Variants in KCNMB4 observed in about 807,000 individuals in gnomAD.
The protein encoded by KCNMB4 is potassium calcium-activated channel subfamily M regulatory beta subunit 4, also known as calcium-activated potassium channel subunit beta-4.
A neutral mutation model predicts 20.7 loss-of-function variants in KCNMB4; 3 were observed. The observed-to-expected ratio is 0.14, with a 90% CI of 0.07 to 0.37. KCNMB4 has a LOEUF of 0.37. Ranked by LOEUF, KCNMB4 falls within the 10% of genes least tolerant of loss-of-function variation. The probability of loss-of-function intolerance (pLI) is 1.00; values close to 1 mark genes in which losing one functional copy is unlikely to be tolerated. For missense variants in KCNMB4, 168 were observed against 265.9 expected (o/e 0.63, Z 2.56); for synonymous variants, 110 against 113.4 (o/e 0.97, Z 0.19).
At chr12:70,374,648 G>A (rs1478799858) in intron 1 of KCNMB4, among the ~76,000 whole-genome samples, 1 of 151,924 alleles carries the variant, frequency 6.6e-6, no homozygotes, top group Non-Finnish European at 1.5e-5. Flanking sequence ...AATAAACTAG[G>A]ATACATTTAT....
intron 1 of KCNMB4, among the ~76,000 whole-genome samples, chr12:70,384,873 C>CAAAAAAAAAAAAAAAAAAA (rs57306622): frequency 4.7e-4 from 35 of 74,212 alleles, no homozygotes; most frequent in Non-Finnish European, 5.8e-4. Flanking sequence ...GACCCTGTCT[C>CAAAAAAAAAAAAAAAAAAA]AAAAAAAAAA....
intron 2 of KCNMB4, among the ~76,000 whole-genome samples, chr12:70,421,951 C>A (rs1869074717): frequency 6.8e-6 from 1 of 147,196 alleles, no homozygotes; most frequent in South Asian, 2.2e-4. Context: ...AGTTAAGGTT[C>A]TCATCCATCT....
intron 2 of KCNMB4, among the ~76,000 whole-genome samples, chr12:70,401,798 T>C (rs1868459526): frequency 6.6e-6 from 1 of 152,112 alleles, no homozygotes; most frequent in South Asian, 2.1e-4. Flanking sequence ...CCACCTGGCC[T>C]CTCATTCTTC....
chr12:70,406,540 T>TG, intron 2 of KCNMB4, among the ~76,000 whole-genome samples: 1 of 152,228 alleles, frequency 6.6e-6, no homozygotes, highest in East Asian at 1.9e-4. Flanking sequence ...TTCTGTGAGG[T>TG]GGGACTCTTT....
At chr12:70,418,752 A>G (rs1207686071) in intron 2 of KCNMB4, among the ~76,000 whole-genome samples, 1 of 152,088 alleles carries the variant, frequency 6.6e-6, no homozygotes, top group Non-Finnish European at 1.5e-5. Context: ...AAGAAGATAC[A>G]TTGACATTTG....
intron 1 of KCNMB4, among the ~76,000 whole-genome samples, chr12:70,376,610 G>A (rs1246610221): frequency 1.3e-5 from 2 of 151,958 alleles, no homozygotes; most frequent in Non-Finnish European, 1.5e-5. Flanking sequence ...TCTCACGCCT[G>A]TAATCCCAGC....
intron 1 of KCNMB4, among the ~76,000 whole-genome samples, chr12:70,381,816 CTG>C (rs1883791855): frequency 6.6e-6 from 1 of 152,144 alleles, no homozygotes; most frequent in Admixed American, 6.5e-5. Flanking sequence ...TTGCACACCT[CTG>C]TGCAATCTAC....
Position 70,433,859 on chromosome 12 carries a change from G to A in KCNMB4, c.*3206G>A, listed in dbSNP as rs1050952229. 5 of 152,352 alleles carry A rather than the reference G, an allele frequency of 3.3e-5. No homozygotes were observed. Among genetic ancestry groups the A allele is most frequent in the African/African-American group, 7.2e-5 (3 of 41,580 alleles). 9.4% of individuals were successfully genotyped at this position (152,352 alleles called of 1,614,324 possible). On this transcript the variant is annotated 3_prime_UTR_variant, in exon 3 of 3. Coordinates refer to ENST00000258111, the MANE Select transcript of KCNMB4 (RefSeq NM_014505.6). ...CTTGCTCGTCAGCTTCTGTGGCCCC[G>A]TCTGAAACTTTTGAGGGACATCGCA...
At chr12:70,425,395 G>A (rs150804623) in intron 2 of KCNMB4, among the ~76,000 whole-genome samples, 111 of 152,260 alleles carry the variant, frequency 7.3e-4, no homozygotes, top group African/African-American at 1.9e-3. Flanking sequence ...CCGAGATCGG[G>A]CCATTGCACT....
intron 1 of KCNMB4, among the ~76,000 whole-genome samples, chr12:70,384,873 C>CAAAAAAAAAAAAAAA (rs57306622): frequency 1.3e-5 from 1 of 74,326 alleles, no homozygotes; most frequent in African/African-American, 5.2e-5. Context: ...GACCCTGTCT[C>CAAAAAAAAAAAAAAA]AAAAAAAAAA....
chr12:70,383,902 C>T (rs1693189696), intron 1 of KCNMB4, among the ~76,000 whole-genome samples: 1 of 152,160 alleles, frequency 6.6e-6, no homozygotes. Context: ...AACCCTGTCT[C>T]TCCTAAAAAC....
At chr12:70,400,167 C>T (rs571386810) in intron 1 of KCNMB4, 42 bp from the exon 2 acceptor site, 2 of 1,457,906 alleles carry the variant, frequency 1.4e-6, no homozygotes, top group Admixed American at 2.3e-5. Flanking sequence ...TCTCAATGTT[C>T]CATAAAATAA....
chr12:70,421,224 G>A (rs960104514), intron 2 of KCNMB4, among the ~76,000 whole-genome samples: 5 of 152,030 alleles, frequency 3.3e-5, no homozygotes, highest in Admixed American at 1.3e-4. Context: ...GAGTATGGTC[G>A]CTCATATCTG....
intron 1 of KCNMB4, among the ~76,000 whole-genome samples, chr12:70,376,887 A>G (rs1883697245): frequency 6.6e-6 from 1 of 151,902 alleles, no homozygotes; most frequent in Non-Finnish European, 1.5e-5. Context: ...AAAAAAAAGA[A>G]AAAAGAATGT....
chr12:70,380,126 C>G (rs940156403), intron 1 of KCNMB4, among the ~76,000 whole-genome samples: 3 of 152,182 alleles, frequency 2.0e-5, no homozygotes, highest in Non-Finnish European at 2.9e-5. Flanking sequence ...ATGACTCTTC[C>G]TTTCACTTGA....
chr12:70,419,902 A>G (rs753039697), intron 2 of KCNMB4, among the ~76,000 whole-genome samples: 1 of 152,026 alleles, frequency 6.6e-6, no homozygotes, highest in African/African-American at 2.4e-5. Context: ...ACCTAGGCAA[A>G]GGCACAATGT....
chr12:70,402,726 G>T (rs1868489845), intron 2 of KCNMB4, among the ~76,000 whole-genome samples: 1 of 150,980 alleles, frequency 6.6e-6, no homozygotes, highest in Non-Finnish European at 1.5e-5. Flanking sequence ...GTGGACGGAT[G>T]TCAGGGTTGT....
chr12:70,392,310 A>G (rs1337665993), intron 1 of KCNMB4, among the ~76,000 whole-genome samples: 2 of 152,210 alleles, frequency 1.3e-5, no homozygotes, highest in African/African-American at 4.8e-5. Flanking sequence ...GCAGTCATTA[A>G]AAAGTCAGGA....
chr12:70,368,526 A>C (rs951896766), intron 1 of KCNMB4, among the ~76,000 whole-genome samples: 1 of 152,140 alleles, frequency 6.6e-6, no homozygotes, highest in Non-Finnish European at 1.5e-5. Flanking sequence ...TCAAAGACAA[A>C]TGTTGTAACT....
Sources: gnomAD v4.1 joint callset for allele counts (sites outside exome capture counted in the v4.1 genomes callset) on GRCh38, gnomAD v4.1.1 for gene constraint, MANE v1.5 for transcripts, NCBI Gene and HGNC (gene_info 2026-07-23, HGNC 2026-07-21) for gene names.